Variants in ST3GAL2 observed in about 807,000 individuals in gnomAD.
ST3GAL2 encodes CMP-N-acetylneuraminate-beta-galactosamide-alpha-2,3-sialyltransferase 2.
ST3GAL2 carries 16 observed loss-of-function variants against 37.5 expected under a neutral mutation model. That is an observed-to-expected ratio of 0.43 (90% CI 0.29 to 0.65). The LOEUF (loss-of-function observed/expected upper bound fraction) is 0.65, where lower values mean the gene tolerates loss of function less well. ST3GAL2 is among the 30% of genes least tolerant of loss of function. ST3GAL2 has a pLI of 0.17. For synonymous variants in ST3GAL2, 238 were observed against 202.9 expected, an observed-to-expected ratio of 1.17 and a Z score of -1.47; for missense variants, 383 against 487.8, an observed-to-expected ratio of 0.79 and a Z score of 2.02.
rs903509376 is a variant in ST3GAL2 at position 70,398,005 on chromosome 16, C to T, written c.339+187G>A. On this transcript the variant is annotated intron_variant, in intron 2 of 6. Coordinates refer to ENST00000342907, the MANE Select transcript of ST3GAL2 (RefSeq NM_006927.4). Reference sequence around the variant, plus strand: ...CTGGCCTATGCTCGGGTCCTACAGGCACTAGAAAATACTAGCCCCCTCCAT... The same window carrying T: ...CTGGCCTATGCTCGGGTCCTACAGGTACTAGAAAATACTAGCCCCCTCCAT... Among the ~76,000 whole-genome samples, 5 of 152,208 alleles carry T rather than the reference C, an allele frequency of 3.3e-5. 1 individual carries two copies. Among genetic ancestry groups the T allele is most frequent in the African/African-American group, 1.2e-4 (5 of 41,456 alleles).
intron 1 of ST3GAL2, among the ~76,000 whole-genome samples, chr16:70,427,527 T>C (rs747583647): frequency 5.3e-5 from 8 of 151,800 alleles, no homozygotes; most frequent in Non-Finnish European, 1.0e-4. Flanking sequence ...TTAGTAGAGA[T>C]GGGGTTTCAC....
chr16:70,420,024 CT>C (rs58254114), intron 1 of ST3GAL2, among the ~76,000 whole-genome samples: 14,852 of 131,546 alleles, frequency 0.11, 1,592 homozygotes, highest in African/African-American at 0.3. Flanking sequence ...CCCCCCTTCC[CT>C]TTTTTTTTTT....
At chr16:70,437,056 C>G (rs2047830244) in intron 1 of ST3GAL2, among the ~76,000 whole-genome samples, 1 of 152,132 alleles carries the variant, frequency 6.6e-6, no homozygotes, top group African/African-American at 2.4e-5. Flanking sequence ...GAGGCTTGGC[C>G]GGAGTAGAAA....
chr16:70,379,639 T>C lies in ST3GAL2; in HGVS notation c.*2050A>G, dbSNP rs1051180426. ...ATGGGGATTCATGATTTAATTTTTT[T>C]GAGACAGGGTCTTGCTCTGTCGCCC... is the stretch of plus-strand genomic sequence containing the variant. On this transcript the variant is annotated 3_prime_UTR_variant, in exon 7 of 7. Coordinates refer to ENST00000342907, the MANE Select transcript of ST3GAL2 (RefSeq NM_006927.4). The C allele has an allele frequency of 1.3e-5, 2 of 152,202 alleles. No homozygotes were observed. Among genetic ancestry groups the C allele is most frequent in the Non-Finnish European group, 2.9e-5 (2 of 68,038 alleles). 9.4% of individuals were successfully genotyped at this position (152,202 alleles called of 1,614,324 possible).
chr16:70,403,626 A>G (rs1490532862), intron 1 of ST3GAL2, among the ~76,000 whole-genome samples: 1 of 152,254 alleles, frequency 6.6e-6, no homozygotes, highest in Non-Finnish European at 1.5e-5. Context: ...TTCCTGGCCA[A>G]CATGGCGAAA....
chr16:70,401,676 A>T (rs1475879194), intron 1 of ST3GAL2, among the ~76,000 whole-genome samples: 1 of 152,140 alleles, frequency 6.6e-6, no homozygotes, highest in African/African-American at 2.4e-5. Context: ...CATTTTGTTA[A>T]GCCCATGCAC....
At chr16:70,419,282 C>T (rs928264974) in intron 1 of ST3GAL2, among the ~76,000 whole-genome samples, 39 of 152,198 alleles carry the variant, frequency 2.6e-4, no homozygotes, top group African/African-American at 7.5e-4. Context: ...ACAGTCTTTG[C>T]GGCCCAGAGT....
In ST3GAL2 at chr16:70,381,325, T is replaced by C. The variant is rs763054071; in HGVS notation, c.*364A>G. 1 of 198,916 alleles carries C rather than the reference T, an allele frequency of 5.0e-6. No homozygotes were observed. The highest frequency in any genetic ancestry group is 8.6e-5 in the South Asian group (1 of 11,622). The allele number at this position is 198,916 out of a possible 1,614,324, so 12.3% of individuals were successfully genotyped here. ...TCCGCCCGAGGCTGACGGAAGTGCTTCGCCGAGGCCCGCGCCATGCTCTCC... is the reference window on the plus strand; with the variant it reads ...TCCGCCCGAGGCTGACGGAAGTGCTCCGCCGAGGCCCGCGCCATGCTCTCC... On this transcript the variant is annotated 3_prime_UTR_variant, in exon 7 of 7. Transcript: ENST00000342907.
intron 1 of ST3GAL2, among the ~76,000 whole-genome samples, chr16:70,430,684 A>C (rs1190984707): frequency 4.6e-5 from 7 of 152,174 alleles, no homozygotes; most frequent in Non-Finnish European, 1.0e-4. Context: ...CCTTTGGGAC[A>C]GGAAGGAGCA....
At chr16:70,415,395 G>A (rs1021830723) in intron 1 of ST3GAL2, among the ~76,000 whole-genome samples, 6 of 152,212 alleles carry the variant, frequency 3.9e-5, no homozygotes, top group Admixed American at 2.0e-4. Flanking sequence ...CACGGGGAAG[G>A]TCACAAGAAA....
intron 1 of ST3GAL2, chr16:70,422,996 G>A (rs1052738234): frequency 6.6e-6 from 1 of 152,232 alleles, no homozygotes; most frequent in Non-Finnish European, 1.5e-5. Flanking sequence ...GGAGACAGAG[G>A]GGGAGCACGA....
At chr16:70,430,575 T>A (rs2047782981) in intron 1 of ST3GAL2, among the ~76,000 whole-genome samples, 1 of 151,910 alleles carries the variant, frequency 6.6e-6, no homozygotes, top group Non-Finnish European at 1.5e-5. Context: ...CCTCACCATC[T>A]CCTCCTACCC....
intron 4 of ST3GAL2, 102 bp downstream of exon 4, chr16:70,388,265 C>T: frequency 1.3e-6 from 2 of 1,514,148 alleles, no homozygotes; most frequent in Admixed American, 1.8e-5. Context: ...CCCCTCTTGG[C>T]CAAAATGTTC....
At chr16:70,434,458 A>T (rs1447799025) in intron 1 of ST3GAL2, among the ~76,000 whole-genome samples, 1 of 152,070 alleles carries the variant, frequency 6.6e-6, no homozygotes, top group South Asian at 2.1e-4. Flanking sequence ...AAAAAAATTC[A>T]GACTTTTGGG....
intron 3 of ST3GAL2, among the ~76,000 whole-genome samples, chr16:70,390,231 C>T (rs1045697281): frequency 6.6e-6 from 1 of 152,118 alleles, no homozygotes; most frequent in Non-Finnish European, 1.5e-5. Context: ...TGCATCACCA[C>T]GCCTGTTTTG....
intron 3 of ST3GAL2, among the ~76,000 whole-genome samples, chr16:70,389,220 A>AAAAAAAC: frequency 7.6e-6 from 1 of 131,406 alleles, no homozygotes; most frequent in African/African-American, 2.8e-5. Context: ...AAAAAAAAAA[A>AAAAAAAC]AAAAAAAAAA....
At chr16:70,390,029 G>T (rs1468965849) in intron 3 of ST3GAL2, among the ~76,000 whole-genome samples, 3 of 151,774 alleles carry the variant, frequency 2.0e-5, no homozygotes, top group Non-Finnish European at 4.4e-5. Context: ...CTCGTGATCC[G>T]CCCACCTCAG....
intron 1 of ST3GAL2, among the ~76,000 whole-genome samples, chr16:70,422,129 G>A (rs1383539830): frequency 2.6e-5 from 4 of 152,160 alleles, no homozygotes; most frequent in African/African-American, 9.7e-5. Flanking sequence ...AGGACTGGCT[G>A]TGCTCAATAG....
intron 1 of ST3GAL2, among the ~76,000 whole-genome samples, chr16:70,405,324 G>A (rs143253290): frequency 2.0e-3 from 301 of 152,076 alleles, no homozygotes; most frequent in African/African-American, 6.8e-3. Context: ...GACGGATCAC[G>A]AGGTCAGGAG....
Sources: gnomAD v4.1 joint callset for allele counts (sites outside exome capture counted in the v4.1 genomes callset) on GRCh38, gnomAD v4.1.1 for gene constraint, MANE v1.5 for transcripts, NCBI Gene and HGNC (gene_info 2026-07-23, HGNC 2026-07-21) for gene names.